HERC1: variants seen among roughly 807,000 people sequenced by gnomAD.
The protein encoded by HERC1 is HECT and RLD domain containing E3 ubiquitin protein ligase family member 1.
HERC1 carries 160 observed loss-of-function variants against 554.3 expected under a neutral mutation model. The observed-to-expected ratio is 0.29, with a 90% CI of 0.25 to 0.33. HERC1 has a LOEUF of 0.33. Among genes scored for constraint, HERC1 ranks in the 10% least tolerant of loss-of-function variants. The pLI, the probability that HERC1 is intolerant of heterozygous loss-of-function variation, is 1.00. For synonymous variants in HERC1, 2,175 were observed against 2,131.7 expected, an observed-to-expected ratio of 1.02 and a Z score of -0.56; for missense variants, 4,919 against 5,918.5, an observed-to-expected ratio of 0.83 and a Z score of 5.54.
chr15:63,732,254 G>A lies in HERC1; in HGVS notation c.2868+670C>T, dbSNP rs574564906. On this transcript the variant is annotated intron_variant, in intron 14 of 77. Transcript: ENST00000443617. ...GACCTCAGGTGATCCACCCAACTCG[G>A]CCTCCCAAAGTGCTGAGATTACAGG... is the stretch of plus-strand genomic sequence containing the variant. 5.3e-5 allele frequency among the ~76,000 whole-genome samples: 8 copies of A among 152,248 alleles called. No individual in the cohort carries two copies. In the East Asian group the frequency reaches 1.5e-3, roughly 29 times the overall value.
intron 34 of HERC1, 106 bp downstream of exon 34, chr15:63,686,253 T>C (rs1410779591): frequency 1.3e-6 from 1 of 773,152 alleles, no homozygotes; most frequent in African/African-American, 1.7e-5. Flanking sequence ...ATAGAACATT[T>C]ACATATCACG....
rs777882194 is a variant in HERC1, at chr15:63,690,545, G to A, written c.5933C>T (p.Ala1978Val). The A allele has an allele frequency of 6.3e-7, 1 of 1,592,594 alleles. No homozygotes were observed. The highest frequency in any genetic ancestry group is 2.2e-5 in the East Asian group (1 of 44,756). The change falls in exon 32 of 78, where the codon GCC becomes GTC. Residue 1978 changes from alanine to valine, a missense_variant. Physicochemically the swap from Ala to Val is moderately conservative, Grantham distance 64. This residue lies in a region of HERC1 where 1,121 missense variants were observed against 1,244.0 expected (regional missense o/e 0.90). Transcript: ENST00000443617. ...CESGVEDDQMAQIVERLFSLL... is the reference protein window; with the variant it reads ...CESGVEDDQMVQIVERLFSLL... ...AATAATTTTAAAAATAAAAACCTGG[G>A]CCATTTGATCATCTTCTACACCAGA...
rs184826905 is a variant in HERC1 at position 63,628,382 on chromosome 15, T to A, written c.13105+295A>T. ...TCCAGCCTAGGTGACAGAGCAAGACTCCATCTCAAAAAAAAACTTAGTTGC... is the reference window on the plus strand; with the variant it reads ...TCCAGCCTAGGTGACAGAGCAAGACACCATCTCAAAAAAAAACTTAGTTGC... On this transcript the variant is annotated intron_variant, in intron 70 of 77. Coordinates refer to ENST00000443617, the MANE Select transcript of HERC1 (RefSeq NM_003922.4). 3.9e-5 allele frequency among the ~76,000 whole-genome samples: 6 copies of A among 152,210 alleles called. No homozygotes were observed. The East Asian group carries it at 1.2e-3, about 29-fold the overall frequency.
intron 21 of HERC1, among the ~76,000 whole-genome samples, chr15:63,717,846 T>C (rs1477822571): frequency 6.6e-6 from 1 of 152,180 alleles, no homozygotes; most frequent in African/African-American, 2.4e-5. Flanking sequence ...CGCTCCAGCC[T>C]GAGCGACAGA....
At position 63,719,377 on chromosome 15, in the gene HERC1, AG is replaced by A. The variant is rs1596060710; in HGVS notation, c.3743-481del. On this transcript the variant is annotated intron_variant, in intron 19 of 77. Transcript: ENST00000443617. ...GATCTGGGATGGGTTCAAGGAGGCC[AG>A]TGTGGCTGGGGCAAACCGTGCATGC... Among the ~76,000 whole-genome samples, 5 of 152,366 alleles carry A rather than the reference AG, an allele frequency of 3.3e-5. No homozygotes were observed. The South Asian group carries it at 6.2e-4, about 19-fold the overall frequency.
In HERC1 at chr15:63,641,462, T is replaced by G. The variant is rs1296363596; in HGVS notation, c.11607+8A>C. 13 of 1,606,702 alleles carry G rather than the reference T, an allele frequency of 8.1e-6. No individual in the cohort carries two copies. The highest frequency in any genetic ancestry group is 1.1e-5 in the Non-Finnish European group (13 of 1,175,124). ...TGTGTATCTCTAGGAGTGAGTGTAA[T>G]GAGTTACCTTTTCATAGGCATACTG... On this transcript the variant is annotated splice_region_variant and intron_variant, in intron 60 of 77. Coordinates refer to ENST00000443617, the MANE Select transcript of HERC1 (RefSeq NM_003922.4).
intron 1 of HERC1, among the ~76,000 whole-genome samples, chr15:63,814,773 T>C (rs528798459): frequency 6.6e-6 from 1 of 152,324 alleles, no homozygotes; most frequent in African/African-American, 2.4e-5. Flanking sequence ...ACGGCCAACA[T>C]TAGCTTTCAA....
chr15:63,644,323 T>C (rs1386874120), intron 57 of HERC1, among the ~76,000 whole-genome samples: 1 of 152,240 alleles, frequency 6.6e-6, no homozygotes, highest in East Asian at 1.9e-4. Flanking sequence ...GACTGGCCAC[T>C]CAGTGTTTTA....
At chr15:63,822,091 G>A (rs937429576) in intron 1 of HERC1, among the ~76,000 whole-genome samples, 3 of 152,242 alleles carry the variant, frequency 2.0e-5, no homozygotes, top group South Asian at 2.1e-4. Context: ...TTATGTGAGC[G>A]AGCCAGCAGT....
chr15:63,721,114 T>C, intron 19 of HERC1, among the ~76,000 whole-genome samples: 1 of 152,084 alleles, frequency 6.6e-6, no homozygotes, highest in South Asian at 2.1e-4. Flanking sequence ...CCCAAGCAAA[T>C]GTTACAAATA....
At chr15:63,619,038 T>C (rs1595828154) in intron 74 of HERC1, among the ~76,000 whole-genome samples, 1 of 151,532 alleles carries the variant, frequency 6.6e-6, no homozygotes, top group Admixed American at 6.6e-5. Flanking sequence ...CTATGTTGAA[T>C]AGGAGTGGTG....
intron 70 of HERC1, among the ~76,000 whole-genome samples, chr15:63,626,546 G>A (rs1016462443): frequency 6.6e-6 from 1 of 152,168 alleles, no homozygotes; most frequent in African/African-American, 2.4e-5. Flanking sequence ...TAAGTAGGCA[G>A]TTCTGGAAAA....
At chr15:63,629,914 G>A (rs942655521) in intron 69 of HERC1, among the ~76,000 whole-genome samples, 2 of 152,070 alleles carry the variant, frequency 1.3e-5, no homozygotes, top group South Asian at 2.1e-4. Flanking sequence ...ATAAATAGAG[G>A]AGGGTGAATA....
At chr15:63,643,177 C>T in intron 58 of HERC1, 119 bp from the exon 59 acceptor site, 1 of 880,336 alleles carries the variant, frequency 1.1e-6, no homozygotes, top group African/African-American at 1.7e-5. Context: ...CTAAATTCAG[C>T]AACGTCCAAT....
chr15:63,661,878 A>G lies in HERC1; in HGVS notation c.9045T>C (p.Gly3015=). 1 of 1,613,968 alleles carries G rather than the reference A, an allele frequency of 6.2e-7. No homozygotes were observed. The highest frequency in any genetic ancestry group is 8.5e-7 in the Non-Finnish European group (1 of 1,179,870). The part of the protein sequence containing the change: ...SANRQGYRSN[G]SYVDGWFGGE... ...CGCCAAACCAGCCATCCACATAGGA[A>G]CCATTGCTGCGATAGCCCTGGCGGT... Residue 3015 remains glycine, a synonymous_variant, in exon 45 of 78, where the codon GGT becomes GGC. Transcript: ENST00000443617.
At chr15:63,783,309 T>A (rs2076340450) in intron 1 of HERC1, among the ~76,000 whole-genome samples, 1 of 151,876 alleles carries the variant, frequency 6.6e-6, no homozygotes, top group African/African-American at 2.4e-5. Context: ...GCAACCCCCA[T>A]CCCGATCAGT....
rs147535606 is a variant in HERC1 at position 63,794,189 on chromosome 15, T to C, written c.-26-18540A>G. 7.2e-5 allele frequency among the ~76,000 whole-genome samples: 11 copies of C among 152,336 alleles called. No homozygotes were observed. In the East Asian group the frequency reaches 1.9e-3, roughly 27 times the overall value. ...CATAAAAATGAGCAACCAGCAGCCC[T>C]TGGGGCTGTTCTGTCTATGGAGTAG... On this transcript the variant is annotated intron_variant, in intron 1 of 77. Coordinates refer to ENST00000443617, the MANE Select transcript of HERC1 (RefSeq NM_003922.4).
At chr15:63,830,278 T>A (rs755410658) in intron 1 of HERC1, among the ~76,000 whole-genome samples, 1 of 152,182 alleles carries the variant, frequency 6.6e-6, no homozygotes, top group Non-Finnish European at 1.5e-5. Flanking sequence ...GTACCCCCAA[T>A]ATGATGCATT....
intron 22 of HERC1, 148 bp downstream of exon 22, chr15:63,716,153 TG>T: frequency 1.5e-6 from 1 of 675,166 alleles, no homozygotes; most frequent in South Asian, 2.0e-5. Flanking sequence ...TAGGAGCCCC[TG>T]TCAGCTAATA....
Sources: allele counts gnomAD v4.1 joint callset (sites outside exome capture counted in the v4.1 genomes callset), GRCh38; gene constraint gnomAD v4.1.1; regional missense constraint gnomAD v4.1.1; transcripts MANE v1.5; gene names NCBI Gene and HGNC (gene_info 2026-07-23, HGNC 2026-07-21).